Variants in TG observed in about 807,000 individuals in gnomAD.
The protein encoded by TG is thyroid hormones.
TG carries 270 observed loss-of-function variants against 324.7 expected under a neutral mutation model. The ratio of observed to expected loss-of-function variants is 0.83; its 90% CI spans 0.75 to 0.92. The LOEUF (loss-of-function observed/expected upper bound fraction) is 0.92, where lower values mean the gene tolerates loss of function less well. TG is among the 40% of genes least tolerant of loss of function. The pLI is 0.00. For missense variants in TG, 3,591 were observed against 3,456.4 expected, an observed-to-expected ratio of 1.04 and a Z score of -0.98; for synonymous variants, 1,401 against 1,327.0, an observed-to-expected ratio of 1.06 and a Z score of -1.21.
At chr8:132,996,561 T>C (rs576800463) in intron 35 of TG, among the ~76,000 whole-genome samples, 3 of 152,182 alleles carry the variant, frequency 2.0e-5, no homozygotes, top group Non-Finnish European at 4.4e-5. Context: ...CTTGCTATTA[T>C]AGGTCTTGGA....
intron 41 of TG, among the ~76,000 whole-genome samples, chr8:133,041,805 T>C (rs994551671): frequency 7.2e-6 from 1 of 139,452 alleles, no homozygotes; most frequent in African/African-American, 2.6e-5. Flanking sequence ...TTTTTTTTTT[T>C]TTAGACGGAG....
chr8:133,089,152 C>T (rs16904825), intron 41 of TG, among the ~76,000 whole-genome samples: 44,451 of 151,982 alleles, frequency 0.29, 6,713 homozygotes, highest in African/African-American at 0.34. Flanking sequence ...TACAAGTCAC[C>T]GATGGGCTCC....
chr8:133,013,137 A>C (rs1834666770), intron 36 of TG, among the ~76,000 whole-genome samples: 1 of 152,228 alleles, frequency 6.6e-6, no homozygotes, highest in African/African-American at 2.4e-5. Flanking sequence ...ATAAACAAAA[A>C]AGACCTTAAT....
In TG at chr8:132,971,779, C is replaced by T. The variant is rs367703716; in HGVS notation, c.5976-15C>T. 23 of 1,604,344 alleles carry T rather than the reference C, an allele frequency of 1.4e-5. No homozygotes were observed. The highest frequency in any genetic ancestry group is 1.6e-4 in the Middle Eastern group (1 of 6,066). On this transcript the variant is annotated splice_polypyrimidine_tract_variant and intron_variant, in intron 32 of 47. Transcript: ENST00000220616. Reference sequence around the variant, plus strand: ...GTGAAAACCTTCAGGCCTGCTCTTTCTCTTCCTATGCCAGGTTCTTTGAAT... The same window carrying T: ...GTGAAAACCTTCAGGCCTGCTCTTTTTCTTCCTATGCCAGGTTCTTTGAAT...
At chr8:132,919,887 G>A (rs1423988083) in intron 21 of TG, among the ~76,000 whole-genome samples, 1 of 152,158 alleles carries the variant, frequency 6.6e-6, no homozygotes, top group Admixed American at 6.5e-5. Flanking sequence ...TTTTACCTGT[G>A]TTGCCTCATT....
At chr8:132,955,445 C>A (rs569570801) in intron 27 of TG, among the ~76,000 whole-genome samples, 1 of 152,290 alleles carries the variant, frequency 6.6e-6, no homozygotes, top group Admixed American at 6.5e-5. Flanking sequence ...CCTTCAGATC[C>A]GTGACTGATC....
At chr8:133,131,026 C>A (rs535537353) in intron 45 of TG, among the ~76,000 whole-genome samples, 1 of 152,174 alleles carries the variant, frequency 6.6e-6, no homozygotes, top group Admixed American at 6.5e-5. Flanking sequence ...TCAACAAGAC[C>A]GGCAGTGGGG....
At chr8:133,121,343 G>T (rs1027162164) in intron 45 of TG, among the ~76,000 whole-genome samples, 1 of 152,256 alleles carries the variant, frequency 6.6e-6, no homozygotes, top group South Asian at 2.1e-4. Flanking sequence ...GAGGGGGCAG[G>T]TCTGAGCCTC....
intron 36 of TG, among the ~76,000 whole-genome samples, chr8:133,012,473 G>A (rs536659273): frequency 2.0e-4 from 30 of 152,314 alleles, no homozygotes; most frequent in Admixed American, 4.6e-4. Flanking sequence ...GCAGTTGAAT[G>A]ACTTTTTAAT....
intron 22 of TG, among the ~76,000 whole-genome samples, chr8:132,927,290 C>T (rs1822016205): frequency 6.9e-6 from 1 of 144,312 alleles, no homozygotes; most frequent in African/African-American, 2.5e-5. Flanking sequence ...CTCCCTCCAT[C>T]CATTCAATAT....
At chr8:132,949,051 TCTG>T in intron 27 of TG, 108 bp downstream of exon 27, 1 of 920,684 alleles carries the variant, frequency 1.1e-6, no homozygotes, top group Non-Finnish European at 1.6e-6. Context: ...AGCTTATACT[TCTG>T]AAAAAAAAAA....
intron 27 of TG, among the ~76,000 whole-genome samples, chr8:132,958,165 G>C (rs1827206345): frequency 6.6e-6 from 1 of 152,150 alleles, no homozygotes; most frequent in Non-Finnish European, 1.5e-5. Context: ...TTAGACTTGA[G>C]AGCAATACAA....
At position 133,021,197 on chromosome 8, in the gene TG, CT is replaced by C. The variant is rs1835529228; in HGVS notation, c.6877-793del. Among the ~76,000 whole-genome samples, 3 of 152,236 alleles carry C rather than the reference CT, an allele frequency of 2.0e-5. 1 individual carries two copies. In the South Asian group the frequency reaches 6.2e-4, roughly 31 times the overall value. ...ATAAGAATCTGCCAACTTCACAGAA[CT>C]GTTTGAGGCCCCATTGTAAACACTT... On this transcript the variant is annotated intron_variant, in intron 39 of 47. Coordinates refer to ENST00000220616, the MANE Select transcript of TG (RefSeq NM_003235.5).
intron 26 of TG, 91 bp downstream of exon 26, chr8:132,941,633 G>A: frequency 6.7e-7 from 1 of 1,482,936 alleles, no homozygotes. Context: ...AGCTGCATGG[G>A]GAGTACAGTG....
intron 41 of TG, chr8:133,038,177 T>A (rs1489129936): frequency 3.1e-6 from 1 of 319,162 alleles, no homozygotes; most frequent in Non-Finnish European, 6.0e-6. Context: ...TCTGGACAGG[T>A]CCAGTTCCTT....
At chr8:132,901,918 G>T (rs1183160772) in intron 16 of TG, among the ~76,000 whole-genome samples, 5 of 152,100 alleles carry the variant, frequency 3.3e-5, no homozygotes, top group Admixed American at 2.6e-4. Context: ...GGCACTTCAG[G>T]AATTTGTGGA....
chr8:132,908,280 G>T lies in TG; in HGVS notation c.3942G>T (p.Leu1314=). ...GCAGTGCTGACTACGCGGATTTGCT[G>T]CAGACTTTCCAGGTTTTCATATTGG... ...KMCSADYADL[L]QTFQVFILDE... The change falls in exon 18 of 48, where the codon CTG becomes CTT. Residue 1314 remains leucine (L), a synonymous_variant. Coordinates refer to ENST00000220616, the MANE Select transcript of TG (RefSeq NM_003235.5). 6.2e-7 allele frequency: 1 copy of T among 1,613,646 alleles called. No homozygotes were observed. The highest frequency in any genetic ancestry group is 1.1e-5 in the South Asian group (1 of 91,052).
At chr8:132,891,475 C>CA (rs978049669) in intron 10 of TG, among the ~76,000 whole-genome samples, 1 of 152,162 alleles carries the variant, frequency 6.6e-6, no homozygotes, top group African/African-American at 2.4e-5. Flanking sequence ...GCTGGGACTA[C>CA]AAGCATGCAC....
intron 41 of TG, among the ~76,000 whole-genome samples, chr8:133,085,979 C>G (rs1274655830): frequency 6.6e-6 from 1 of 152,162 alleles, no homozygotes; most frequent in Non-Finnish European, 1.5e-5. Flanking sequence ...CAAATGTTTA[C>G]CAGCCAATGA....
Sources: allele counts gnomAD v4.1 joint callset (sites outside exome capture counted in the v4.1 genomes callset), GRCh38; gene constraint gnomAD v4.1.1; transcripts MANE v1.5; gene names NCBI Gene and HGNC (gene_info 2026-07-23, HGNC 2026-07-21).